PHF6: variants seen among roughly 807,000 people sequenced by gnomAD.
The protein encoded by PHF6 is PHD finger protein 6.
A neutral mutation model predicts 34.0 loss-of-function variants in PHF6; 7 were observed. That is an observed-to-expected ratio of 0.21 (90% CI 0.12 to 0.39). The LOEUF (loss-of-function observed/expected upper bound fraction) is 0.39. PHF6 is among the 10% of genes least tolerant of loss of function. The pLI is 1.00. For synonymous variants in PHF6, 89 were observed against 88.4 expected (o/e 1.01, Z -0.04); for missense variants, 128 against 262.8 (o/e 0.49, Z 3.55).
intron 3 of PHF6, among the ~76,000 whole-genome samples, chrX:134,379,442 T>C (rs1314343292): frequency 1.2e-5 from 1 of 85,728 alleles, no homozygotes; most frequent in Non-Finnish European, 2.3e-5. Context: ...CTTTTTTTTT[T>C]TTTTTTTTTT....
At position 134,426,727 on chromosome X, in the gene PHF6, T is replaced by C. The variant is rs759291873; in HGVS notation, c.*1067T>C. ...GTTTTATCGATTGTCAGAATTGTTT[T>C]TGAAAGCCTAAGAACCCAGCTTTTT... On this transcript the variant is annotated 3_prime_UTR_variant, in exon 11 of 11. Coordinates refer to ENST00000370803, the MANE Select transcript of PHF6 (RefSeq NM_001015877.2). The C allele has an allele frequency of 6.2e-6, 1 of 161,119 alleles. No homozygotes were observed. The highest frequency in any genetic ancestry group is 9.2e-5 in the East Asian group (1 of 10,881). 13.3% of individuals were successfully genotyped at this position (161,119 alleles called of 1,213,427 possible).
At chrX:134,394,133 CTT>C (rs1158831168) in intron 5 of PHF6, among the ~76,000 whole-genome samples, 181 bp downstream of exon 5, 15 of 100,795 alleles carry the variant, frequency 1.5e-4, no homozygotes, top group Admixed American at 2.2e-4. Flanking sequence ...ATCTGAACTT[CTT>C]TTTTTTTTTT....
intron 2 of PHF6, 87 bp from the exon 3 acceptor site, chrX:134,377,918 T>A: frequency 2.2e-6 from 2 of 924,225 alleles, no homozygotes; most frequent in Non-Finnish European, 3.0e-6. Context: ...TACTAGAAAA[T>A]TACCATTTAA....
In PHF6 at chrX:134,421,813, T is replaced by TAAA. The variant is rs199852581; in HGVS notation, c.969-3376_969-3374dup. ...CATTCTTTTATTCGTTTGCTTTCTT[T>TAAA]AAAAAAAAAAAAAAGATTTTCTTAT... is the stretch of plus-strand genomic sequence containing the variant. On this transcript the variant is annotated intron_variant, in intron 9 of 10. Transcript: ENST00000370803. Among the ~76,000 whole-genome samples the TAAA allele has an allele frequency of 5.2e-4, 52 of 99,404 alleles. 1 individual carries two copies. Among genetic ancestry groups the TAAA allele is most frequent in the African/African-American group, 1.5e-3 (42 of 27,194 alleles). The allele number at this position is 99,404 out of a possible 115,157, so 86.3% of individuals were successfully genotyped here.
At chrX:134,417,469 ACATATCCCTGGATTAGCATT>A in intron 9 of PHF6, 167 bp downstream of exon 9, 2 of 474,472 alleles carry the variant, frequency 4.2e-6, no homozygotes, top group Non-Finnish European at 7.1e-6. Context: ...TCCTCTGACT[ACATATCCCTGGATTAGCATT>A]CATCCATCCA....
At chrX:134,376,124 A>G (rs2077277323) in intron 1 of PHF6, among the ~76,000 whole-genome samples, 1 of 112,071 alleles carries the variant, frequency 8.9e-6, no homozygotes, top group Non-Finnish European at 1.9e-5. Context: ...ATGAGAAGAC[A>G]TGTTTTCTTT....
intron 3 of PHF6, among the ~76,000 whole-genome samples, chrX:134,388,790 T>A (rs767872080): frequency 1.8e-5 from 2 of 112,086 alleles, no homozygotes; most frequent in South Asian, 7.4e-4. Context: ...TTTTGCAAAC[T>A]GAATTTCAGT....
chrX:134,391,521 G>A (rs1428864455), intron 3 of PHF6, among the ~76,000 whole-genome samples: 1 of 111,278 alleles, frequency 9.0e-6, no homozygotes, highest in Non-Finnish European at 1.9e-5. Context: ...ACTGTATCTT[G>A]TCAATGTTGA....
intron 1 of PHF6, among the ~76,000 whole-genome samples, chrX:134,374,898 G>T (rs868728718): frequency 1.1e-4 from 12 of 111,957 alleles, no homozygotes; most frequent in Non-Finnish European, 1.7e-4. Context: ...TTGCGTGAAA[G>T]CATCAAACTT....
At chrX:134,381,344 G>T (rs1472666722) in intron 3 of PHF6, among the ~76,000 whole-genome samples, 2 of 110,994 alleles carry the variant, frequency 1.8e-5, no homozygotes, top group African/African-American at 6.6e-5. Flanking sequence ...CAAAATTCTA[G>T]ATTTAAGTTT....
Position 134,399,670 on chromosome X carries a change from GAC to G in PHF6, c.418+5732_418+5733del, listed in dbSNP as rs980086441. Among the ~76,000 whole-genome samples, 119 of 92,859 alleles carry G rather than the reference GAC, an allele frequency of 1.3e-3. 1 individual carries two copies. Among genetic ancestry groups the G allele is most frequent in the Non-Finnish European group, 2.0e-3 (92 of 45,934 alleles). The allele number at this position is 92,859 out of a possible 115,157, so 80.6% of individuals were successfully genotyped here. A position where few individuals can be genotyped will look rare whatever the true frequency, so the allele number is the denominator to read the frequency against. The stretch of plus-strand genomic sequence containing the variant: ...CCTAACATACACACACACACACACA[GAC>G]ACACACACACACAGACACACACACA... On this transcript the variant is annotated intron_variant, in intron 5 of 10. Transcript: ENST00000370803.
chrX:134,407,970 C>A (rs766200712), intron 5 of PHF6, among the ~76,000 whole-genome samples: 1 of 112,135 alleles, frequency 8.9e-6, no homozygotes, highest in South Asian at 3.8e-4. Flanking sequence ...CTCTGTCTCC[C>A]AGGCTGGAGT....
chrX:134,399,473 C>T (rs997679368), intron 5 of PHF6, among the ~76,000 whole-genome samples: 10 of 110,946 alleles, frequency 9.0e-5, no homozygotes, highest in African/African-American at 2.3e-4. Context: ...AATAGTAACA[C>T]GGGTAAGCCT....
chrX:134,409,557 T>C (rs1380404887), intron 5 of PHF6, among the ~76,000 whole-genome samples: 1 of 111,600 alleles, frequency 9.0e-6, no homozygotes, highest in Non-Finnish European at 1.9e-5. Context: ...TGATTTTCTG[T>C]GTATCATGTT....
At chrX:134,394,969 C>T (rs2077371415) in intron 5 of PHF6, among the ~76,000 whole-genome samples, 1 of 109,167 alleles carries the variant, frequency 9.2e-6, no homozygotes, top group Non-Finnish European at 1.9e-5. Flanking sequence ...TCTCCTGCCT[C>T]GGCCTCCTGA....
rs1037770661 is a variant in PHF6, at chrX:134,425,659, A to G, written c.*1-2A>G. The G allele has an allele frequency of 8.5e-6, 2 of 236,279 alleles. No individual in the cohort carries two copies. The highest frequency in any genetic ancestry group is 5.6e-5 in the African/African-American group (2 of 35,608). The allele number at this position is 236,279 out of a possible 1,213,427, so 19.5% of individuals were successfully genotyped here. A position where few individuals can be genotyped will look rare whatever the true frequency, so the allele number is the denominator to read the frequency against. ...TACATTTTTTTATCATCTTTTAAAC[A>G]GGTTCATGGGACAGAGTTAGAAAAC... On this transcript the variant is annotated splice_acceptor_variant, in intron 10 of 10. Coordinates refer to ENST00000370803, the MANE Select transcript of PHF6 (RefSeq NM_001015877.2). LOFTEE classifies it low-confidence loss of function (3UTR_SPLICE).
rs944846659 is a variant in PHF6, at chrX:134,384,529, G to A, written c.240+6423G>A. Among the ~76,000 whole-genome samples the A allele has an allele frequency of 4.0e-5, 4 of 99,494 alleles. No homozygotes were observed. The South Asian group carries it at 1.6e-3, about 41-fold the overall frequency. The allele number at this position is 99,494 out of a possible 115,157, so 86.4% of individuals were successfully genotyped here. ...TATTCATTACCACCCCGCCCACCACGCCCACTCCCTGAAACCTGATTCTTC... is the reference window on the plus strand; with the variant it reads ...TATTCATTACCACCCCGCCCACCACACCCACTCCCTGAAACCTGATTCTTC... On this transcript the variant is annotated intron_variant, in intron 3 of 10. Coordinates refer to ENST00000370803, the MANE Select transcript of PHF6 (RefSeq NM_001015877.2).
intron 5 of PHF6, among the ~76,000 whole-genome samples, chrX:134,396,603 G>A (rs1200448803): frequency 9.0e-6 from 1 of 110,592 alleles, no homozygotes; most frequent in East Asian, 2.8e-4. Flanking sequence ...ATGGGCGGGG[G>A]GCTTGTATCA....
intron 3 of PHF6, among the ~76,000 whole-genome samples, chrX:134,379,295 T>C (rs933119373): frequency 1.8e-5 from 2 of 111,068 alleles, no homozygotes; most frequent in Admixed American, 1.9e-4. Flanking sequence ...TTAGTACAAA[T>C]GAGAATTCAG....
Sources: gnomAD v4.1 joint callset for allele counts (sites outside exome capture counted in the v4.1 genomes callset) on GRCh38, gnomAD v4.1.1 for gene constraint, MANE v1.5 for transcripts, NCBI Gene and HGNC (gene_info 2026-07-23, HGNC 2026-07-21) for gene names.